Variants in CA5A observed in about 807,000 individuals in gnomAD.
CA5A encodes carbonic anhydrase 5A, mitochondrial.
Under a neutral mutation model 37.1 loss-of-function variants are expected in CA5A, and 28 were observed. That is an observed-to-expected ratio of 0.75 (90% CI 0.56 to 1.03). The LOEUF is 1.03. CA5A is among the 50% of genes least tolerant of loss of function. The pLI is 0.00. For missense variants in CA5A, 444 were observed against 399.9 expected (o/e 1.11, Z -0.94); for synonymous variants, 171 against 158.4 (o/e 1.08, Z -0.60).
At chr16:87,912,469 A>G (rs1408031843) in intron 2 of CA5A, among the ~76,000 whole-genome samples, 1 of 152,270 alleles carries the variant, frequency 6.6e-6, no homozygotes, top group African/African-American at 2.4e-5. Context: ...GAACACGTCC[A>G]TAAGAAAGGG....
intron 5 of CA5A, among the ~76,000 whole-genome samples, chr16:87,897,527 TG>T (rs946326074): frequency 2.3e-5 from 2 of 86,110 alleles, no homozygotes. Flanking sequence ...GGGGTGGGGG[TG>T]GGGGTCCAGG....
At chr16:87,913,666 C>T (rs1360423158) in intron 2 of CA5A, among the ~76,000 whole-genome samples, 1 of 134,678 alleles carries the variant, frequency 7.4e-6, no homozygotes, top group Non-Finnish European at 1.5e-5. Context: ...CCCCCCTCCT[C>T]TCCAATACGA....
At chr16:87,905,757 T>C (rs113588313) in intron 2 of CA5A, among the ~76,000 whole-genome samples, 7 of 152,328 alleles carry the variant, frequency 4.6e-5, no homozygotes, top group East Asian at 3.9e-4. Context: ...CCAGCTTTTA[T>C]TGGAACACTC....
chr16:87,933,097 C>T lies in CA5A; in HGVS notation c.142+3212G>A, dbSNP rs570692309. ...GAGCCCAGCCCAACCACGGTCAGCCCGGGGGGAGCCAAATGCAAGAAGACT... is the reference window on the plus strand; with the variant it reads ...GAGCCCAGCCCAACCACGGTCAGCCTGGGGGGAGCCAAATGCAAGAAGACT... On this transcript the variant is annotated intron_variant, in intron 1 of 6. Transcript: ENST00000649794. 7.8e-4 allele frequency among the ~76,000 whole-genome samples: 119 copies of T among 152,272 alleles called. 1 individual carries two copies. Among genetic ancestry groups the T allele is most frequent in the Middle Eastern group, 3.4e-3 (1 of 294 alleles).
chr16:87,891,446 C>T (rs1015385450), intron 6 of CA5A, among the ~76,000 whole-genome samples: 3 of 147,248 alleles, frequency 2.0e-5, no homozygotes, highest in Admixed American at 6.9e-5. Context: ...CCAGCCTGGG[C>T]GATAGAACGA....
intron 5 of CA5A, 144 bp downstream of exon 5, chr16:87,901,768 G>A (rs2055881552): frequency 5.4e-6 from 3 of 560,412 alleles, no homozygotes; most frequent in South Asian, 4.9e-5. Context: ...TGTATTTTTA[G>A]TGGAGACGGG....
rs149207077 is a variant in CA5A, at chr16:87,894,310, A to G, written c.619-2356T>C. Among the ~76,000 whole-genome samples, 544 of 152,156 alleles carry G rather than the reference A, an allele frequency of 3.6e-3. 3 individuals carry two copies. Among genetic ancestry groups the G allele is most frequent in the Non-Finnish European group, 5.9e-3 (399 of 67,988 alleles). ...GCACTGTGGGACAAGAGTCCAGTCC[A>G]AAGTGACAGAGTCCCTGTCTGCAAG... is the stretch of plus-strand genomic sequence containing the variant. On this transcript the variant is annotated intron_variant, in intron 5 of 6. Coordinates refer to ENST00000649794, the MANE Select transcript of CA5A (RefSeq NM_001739.2).
intron 2 of CA5A, among the ~76,000 whole-genome samples, chr16:87,910,940 G>A (rs59311361): frequency 0.28 from 42,164 of 151,550 alleles, 10,582 homozygotes; most frequent in African/African-American, 0.68. Context: ...AGTAGAGACG[G>A]GGTTTCACCA....
At chr16:87,894,408 C>G (rs1400368981) in intron 5 of CA5A, among the ~76,000 whole-genome samples, 32 of 152,126 alleles carry the variant, frequency 2.1e-4, no homozygotes, top group Admixed American at 2.0e-3. Context: ...AAGGTGGAAG[C>G]TGGCAACCCA....
chr16:87,923,043 G>A (rs1458214171), intron 2 of CA5A, among the ~76,000 whole-genome samples: 9 of 152,220 alleles, frequency 5.9e-5, no homozygotes, highest in Admixed American at 2.0e-4. Flanking sequence ...ATCTGCAGTC[G>A]GAACGGAAGC....
At chr16:87,934,086 C>A (rs1320336980) in intron 1 of CA5A, among the ~76,000 whole-genome samples, 1 of 152,248 alleles carries the variant, frequency 6.6e-6, no homozygotes, top group African/African-American at 2.4e-5. Context: ...AGACACAGGG[C>A]ACCCACCGCT....
chr16:87,899,419 C>G (rs2055845934), intron 5 of CA5A, among the ~76,000 whole-genome samples: 1 of 149,696 alleles, frequency 6.7e-6, no homozygotes, highest in Non-Finnish European at 1.5e-5. Flanking sequence ...TCTCCTGCCT[C>G]AGCCTCCTGA....
intron 2 of CA5A, chr16:87,923,700 C>T (rs989377445): frequency 1.3e-5 from 13 of 985,188 alleles, no homozygotes; most frequent in African/African-American, 8.7e-5. Flanking sequence ...AAATAACAAA[C>T]AAAAGTCCAA....
downstream of CA5A, chr16:87,883,550 TTGATCTCCTGACCTCA>T (rs937368691): frequency 6.6e-5 from 10 of 151,628 alleles, no homozygotes; most frequent in African/African-American, 2.4e-4. Flanking sequence ...CAGGATGGTC[TTGATCTCCTGACCTCA>T]TGATCTACCT....
chr16:87,927,170 C>T (rs938017873), intron 1 of CA5A, among the ~76,000 whole-genome samples: 7 of 152,256 alleles, frequency 4.6e-5, no homozygotes, highest in Admixed American at 1.3e-4. Flanking sequence ...CTTTCCCACC[C>T]GGAAGCAACT....
At chr16:87,904,934 TC>T (rs2055937928) in intron 2 of CA5A, 30 bp from the exon 3 acceptor site, 1 of 1,417,328 alleles carries the variant, frequency 7.1e-7, no homozygotes, top group Non-Finnish European at 1.0e-6. Context: ...GACGTGTGTG[TC>T]ATTTTGTCTG....
chr16:87,919,192 T>G (rs535227164), intron 2 of CA5A, among the ~76,000 whole-genome samples: 2 of 152,296 alleles, frequency 1.3e-5, no homozygotes, highest in South Asian at 4.1e-4. Context: ...GCAGTGGCCT[T>G]GGACCTGAGA....
chr16:87,909,527 G>T lies in CA5A; in HGVS notation c.341-4623C>A, dbSNP rs1005555982. 4.6e-5 allele frequency among the ~76,000 whole-genome samples: 7 copies of T among 152,376 alleles called. No individual in the cohort carries two copies. The South Asian group carries it at 8.3e-4, about 18-fold the overall frequency. The stretch of plus-strand genomic sequence containing the variant: ...GGGGCCGATGGATCACTCGGGCTGG[G>T]CTGGAGCGGCCCCTGGTGGCAGTTC... On this transcript the variant is annotated intron_variant, in intron 2 of 6. Coordinates refer to ENST00000649794, the MANE Select transcript of CA5A (RefSeq NM_001739.2).
chr16:87,929,062 C>T (rs1336846450), intron 1 of CA5A, among the ~76,000 whole-genome samples: 1 of 149,930 alleles, frequency 6.7e-6, no homozygotes, highest in African/African-American at 2.4e-5. Flanking sequence ...AGCCACCGCG[C>T]CCAGCCTTGG....
Sources: gnomAD v4.1 joint callset for allele counts (sites outside exome capture counted in the v4.1 genomes callset) on GRCh38, gnomAD v4.1.1 for gene constraint, MANE v1.5 for transcripts, NCBI Gene and HGNC (gene_info 2026-07-23, HGNC 2026-07-21) for gene names.